The following GPRC6A variants were observed in gnomAD, a reference collection of about 807,000 sequenced individuals.
The protein encoded by GPRC6A is G protein-coupled receptor family C group 6 member A.
GPRC6A carries 54 observed loss-of-function variants against 47.0 expected under a neutral mutation model. That is an observed-to-expected ratio of 1.15 (90% CI 0.92 to 1.44). The LOEUF (loss-of-function observed/expected upper bound fraction) is 1.44, where lower values mean the gene tolerates loss of function less well. Ranked by LOEUF, GPRC6A falls within the 40% of genes most tolerant of loss-of-function variation. GPRC6A has a pLI of 0.00. For missense variants in GPRC6A, 1,112 were observed against 1,105.5 expected (o/e 1.01, Z -0.08); for synonymous variants, 347 against 377.1 (o/e 0.92, Z 0.93).
chr6:116,827,372 G>C (rs897390376), intron 1 of GPRC6A, among the ~76,000 whole-genome samples: 4 of 151,802 alleles, frequency 2.6e-5, no homozygotes, highest in African/African-American at 4.8e-5. Flanking sequence ...AAGAGAAAAA[G>C]GTAAACGAAT....
chr6:116,812,534 A>G (rs1773060297), intron 1 of GPRC6A, among the ~76,000 whole-genome samples: 1 of 152,228 alleles, frequency 6.6e-6, no homozygotes, highest in South Asian at 2.1e-4. Context: ...CATAGAATAT[A>G]TAAAACAAAC....
chr6:116,828,616 GCA>G (rs1773743026), intron 1 of GPRC6A, among the ~76,000 whole-genome samples: 1 of 152,004 alleles, frequency 6.6e-6, no homozygotes, highest in African/African-American at 2.4e-5. Flanking sequence ...CATATCCTCT[GCA>G]CTTGGAGGTT....
chr6:116,820,494 A>C (rs1773428012), intron 1 of GPRC6A, among the ~76,000 whole-genome samples: 1 of 151,516 alleles, frequency 6.6e-6, no homozygotes, highest in South Asian at 2.1e-4. Context: ...GCAGCACATC[A>C]AAAAGCTTAT....
At chr6:116,802,557 A>C (rs139360561) in intron 3 of GPRC6A, among the ~76,000 whole-genome samples, 132 of 152,232 alleles carry the variant, frequency 8.7e-4, no homozygotes, top group African/African-American at 3.0e-3. Context: ...GCTCTACCTC[A>C]TTAAGTAAGG....
intron 1 of GPRC6A, among the ~76,000 whole-genome samples, chr6:116,813,296 C>A (rs1395512376): frequency 2.0e-5 from 3 of 152,130 alleles, no homozygotes; most frequent in African/African-American, 7.2e-5. Context: ...GCCCACATTG[C>A]CAAGATAATC....
At chr6:116,795,675 G>A (rs377101338) in intron 5 of GPRC6A, 37 bp downstream of exon 5, 1 of 1,469,654 alleles carries the variant, frequency 6.8e-7, no homozygotes, top group East Asian at 2.3e-5. Flanking sequence ...AAGCCTAAGA[G>A]GAATGATTCA....
rs1338866461 is a variant in GPRC6A at position 116,793,207 on chromosome 6, G to T, written c.1716C>A (p.Ala572=). The change falls in exon 6 of 6, where the codon GCC becomes GCA. Residue 572 remains alanine (A), a synonymous_variant. Transcript: ENST00000310357. ...CAAAGCACATAGTGCTCCTAACAGG[G>T]GCCCAGTGAGTTTTGTTGTTGCATA... ...CLLCNNKTHW[A]PVRSTMCFEK... is the part of the protein sequence containing the mutation. The T allele has an allele frequency of 1.2e-6, 2 of 1,605,616 alleles. No individual in the cohort carries two copies. The highest frequency in any genetic ancestry group is 1.7e-6 in the Non-Finnish European group (2 of 1,176,646).
chr6:116,825,526 A>G (rs147786704), intron 1 of GPRC6A, among the ~76,000 whole-genome samples: 132 of 152,154 alleles, frequency 8.7e-4, no homozygotes, highest in African/African-American at 3.0e-3. Flanking sequence ...AAAGATCTCT[A>G]CAAGCAAAAC....
chr6:116,827,846 G>A (rs55766731), intron 1 of GPRC6A, among the ~76,000 whole-genome samples: 3,048 of 152,020 alleles, frequency 0.02, 107 homozygotes, highest in African/African-American at 0.069. Context: ...AAATCTTAGT[G>A]TGACAGGGAA....
At chr6:116,824,470 A>G (rs1037975034) in intron 1 of GPRC6A, among the ~76,000 whole-genome samples, 2 of 152,050 alleles carry the variant, frequency 1.3e-5, no homozygotes, top group African/African-American at 4.8e-5. Flanking sequence ...GAACAATTAT[A>G]TGCTAATAAA....
At chr6:116,803,326 TA>T (rs1049917713) in intron 3 of GPRC6A, among the ~76,000 whole-genome samples, 3 of 152,124 alleles carry the variant, frequency 2.0e-5, no homozygotes, top group African/African-American at 7.2e-5. Flanking sequence ...TGTGTCCCTC[TA>T]ATCAATTCAC....
At chr6:116,797,114 A>G (rs1302480492) in intron 4 of GPRC6A, among the ~76,000 whole-genome samples, 1 of 150,154 alleles carries the variant, frequency 6.7e-6, no homozygotes, top group African/African-American at 2.5e-5. Context: ...ATTCCCACCT[A>G]TGAGTGAGAA....
chr6:116,809,672 G>T, intron 1 of GPRC6A, 55 bp from the exon 2 acceptor site: 1 of 1,280,252 alleles, frequency 7.8e-7, no homozygotes, highest in Non-Finnish European at 1.1e-6. Context: ...TATGGACATG[G>T]CTGTATCTCA....
chr6:116,805,367 A>G (rs1228285766), intron 3 of GPRC6A, among the ~76,000 whole-genome samples: 2 of 151,946 alleles, frequency 1.3e-5, no homozygotes, highest in Non-Finnish European at 2.9e-5. Context: ...TAAAGTAAAA[A>G]AAAAAATGAC....
At chr6:116,796,084 T>G (rs1371342544) in intron 4 of GPRC6A, among the ~76,000 whole-genome samples, 1 of 152,082 alleles carries the variant, frequency 6.6e-6, no homozygotes, top group Middle Eastern at 3.2e-3. Flanking sequence ...AATTAGCCCT[T>G]TCAGAAAGTC....
intron 1 of GPRC6A, among the ~76,000 whole-genome samples, chr6:116,822,041 G>T (rs1432610129): frequency 6.9e-6 from 1 of 144,864 alleles, no homozygotes; most frequent in Non-Finnish European, 1.5e-5. Flanking sequence ...CCATCAAAAA[G>T]TGGGTGAAGG....
chr6:116,800,712 A>T lies in GPRC6A; in HGVS notation c.1420T>A (p.Tyr474Asn), dbSNP rs756527554. The T allele has an allele frequency of 8.1e-6, 13 of 1,611,126 alleles. No homozygotes were observed. In the South Asian group the frequency reaches 1.1e-4, roughly 14 times the overall value. The part of the protein sequence containing the change: ...FDAHGDLNTG[Y>N]DVVLWKEING... ...ATCTCCTTCCAGAGCACAACATCAT[A>T]TCCAGTATTTAAATCCCCGTGAGCA... Residue 474 changes from tyrosine to asparagine, a missense_variant, in exon 4 of 6, where the codon TAT becomes AAT. By Grantham distance (143) the Tyr-to-Asn change is moderately radical. Coordinates refer to ENST00000310357, the MANE Select transcript of GPRC6A (RefSeq NM_148963.4).
At chr6:116,827,945 TTAGACA>T (rs1199396908) in intron 1 of GPRC6A, among the ~76,000 whole-genome samples, 1 of 151,924 alleles carries the variant, frequency 6.6e-6, no homozygotes, top group Admixed American at 6.6e-5. Flanking sequence ...AAGATTAAAC[TTAGACA>T]TAGAAACATA....
chr6:116,806,672 A>C lies in GPRC6A; in HGVS notation c.1033T>G (p.Leu345Val). The C allele has an allele frequency of 2.5e-6, 4 of 1,613,600 alleles. No individual in the cohort carries two copies. The highest frequency in any genetic ancestry group is 3.4e-6 in the Non-Finnish European group (4 of 1,179,794). ...SFHSFLQNLH[L>V]LPSDSHKLLH... ...AGTTTGTGACTGTCACTGGGAAGCA[A>C]GTGCAGATTTTGAAGAAAGGAATGG... The change falls in exon 3 of 6, where the codon TTG becomes GTG. Residue 345 changes from leucine (L) to valine (V), a missense_variant. Leu to Val is a conservative substitution (Grantham distance 32). Transcript: ENST00000310357.
Sources: allele counts gnomAD v4.1 joint callset (sites outside exome capture counted in the v4.1 genomes callset), GRCh38; gene constraint gnomAD v4.1.1; transcripts MANE v1.5; gene names NCBI Gene and HGNC (gene_info 2026-07-23, HGNC 2026-07-21).